Variants in NEK9 observed in about 807,000 individuals in gnomAD.
NEK9 encodes the protein serine/threonine-protein kinase Nek9.
Under a neutral mutation model 123.4 loss-of-function variants are expected in NEK9, and 75 were observed. That is an observed-to-expected ratio of 0.61 (90% CI 0.50 to 0.74). The LOEUF is 0.74. Among genes scored for constraint, NEK9 ranks in the 30% least tolerant of loss-of-function variants. NEK9 has a pLI of 0.00. For synonymous variants in NEK9, 438 were observed against 458.7 expected (o/e 0.95, Z 0.58); for missense variants, 952 against 1,214.4 (o/e 0.78, Z 3.21).
Position 75,081,352 on chromosome 14 carries a change from C to G in NEK9, c.*3212G>C, listed in dbSNP as rs1893864517. On this transcript the variant is annotated 3_prime_UTR_variant, in exon 22 of 22. Transcript: ENST00000238616. This position sits in a 1 kb window ranked among gnomAD's most constrained non-coding sequence, Gnocchi z 4.2. ...CTCTCCACAGCTACACAGGTGGTAA[C>G]AGAGATGTGACATAGTGGAGTTTTT... is the stretch of plus-strand genomic sequence containing the variant. The G allele has an allele frequency of 6.6e-6, 1 of 152,212 alleles. No homozygotes were observed. The highest frequency in any genetic ancestry group is 2.1e-4 in the South Asian group (1 of 4,830). 9.4% of individuals were successfully genotyped at this position (152,212 alleles called of 1,614,324 possible).
At position 75,117,239 on chromosome 14, in the gene NEK9, C is replaced by T. The variant is rs149812936; in HGVS notation, c.718G>A (p.Val240Ile). ...FKSDIWAVGC[V>I]IFELLTLKRT... is the part of the protein sequence containing the mutation. Reference sequence around the variant, plus strand: ...TTTAAGGTAAGCAGTTCAAAAATGACGCAGCCAACTGCCCAGATATCAGAC... The same window carrying T: ...TTTAAGGTAAGCAGTTCAAAAATGATGCAGCCAACTGCCCAGATATCAGAC... The change falls in exon 6 of 22, where the codon GTC becomes ATC. Residue 240 changes from valine (V) to isoleucine (I), a missense_variant. Physicochemically the swap from Val to Ile is conservative, Grantham distance 29. This residue lies in a region of NEK9 where 28 missense variants were observed against 88.3 expected (regional missense o/e 0.32). Coordinates refer to ENST00000238616, the MANE Select transcript of NEK9 (RefSeq NM_033116.6). 4.8e-5 allele frequency: 77 copies of T among 1,613,904 alleles called. No individual in the cohort carries two copies. Among genetic ancestry groups the T allele is most frequent in the Middle Eastern group, 1.7e-4 (1 of 6,058 alleles).
chr14:75,121,808 T>C (rs1343819242), intron 2 of NEK9, among the ~76,000 whole-genome samples: 1 of 152,138 alleles, frequency 6.6e-6, no homozygotes, highest in Non-Finnish European at 1.5e-5. Flanking sequence ...AGGCGGAGGT[T>C]GCAGTGAGCT....
chr14:75,126,910 C>G lies in NEK9; in HGVS notation c.12G>C (p.Leu4=), dbSNP rs1566664091. ...AATCGCAGTGTCGCTCGTACTCGCC[C>G]AGCACCGACATGGCGGCGGCCGCGG... MSV[L]GEYERHCDSI... Residue 4 remains leucine, a synonymous_variant, in exon 1 of 22, where the codon CTG becomes CTC. Coordinates refer to ENST00000238616, the MANE Select transcript of NEK9 (RefSeq NM_033116.6). 3 of 1,481,478 alleles carry G rather than the reference C, an allele frequency of 2.0e-6. No homozygotes were observed. In the South Asian group the frequency reaches 3.8e-5, roughly 19 times the overall value. The allele number at this position is 1,481,478 out of a possible 1,614,324, so 91.8% of individuals were successfully genotyped here. A position where few individuals can be genotyped will look rare whatever the true frequency, so the allele number is the denominator to read the frequency against.
chr14:75,103,213 C>G (rs577094473), intron 14 of NEK9, among the ~76,000 whole-genome samples: 4 of 148,380 alleles, frequency 2.7e-5, no homozygotes, highest in Non-Finnish European at 6.0e-5. Context: ...AAAAAGGAAA[C>G]TAAGACAATA....
In NEK9 at chr14:75,105,959, T is replaced by C; in HGVS notation, c.1566A>G (p.Thr522=). 1.2e-6 allele frequency: 2 copies of C among 1,613,362 alleles called. No homozygotes were observed. Among genetic ancestry groups the C allele is most frequent in the South Asian group, 2.2e-5 (2 of 91,052 alleles). ...LGLDSEEDYY[T]PQKVDVPKAL... ...TTGCTTCTGATTTTACCTTTTGTGG[T>C]GTATAATAATCCTCTTCTGAATCCA... is the stretch of plus-strand genomic sequence containing the variant. The change falls in exon 13 of 22, where the codon ACA becomes ACG. Residue 522 remains threonine (T), a synonymous_variant. Transcript: ENST00000238616.
chr14:75,096,918 A>C (rs965235640), intron 17 of NEK9, 182 bp downstream of exon 17: 3 of 431,636 alleles, frequency 7.0e-6, no homozygotes, highest in Non-Finnish European at 7.9e-6. Flanking sequence ...GCAGATAGCA[A>C]AGCTCCAGGA....
At chr14:75,109,926 T>C (rs527967817) in intron 9 of NEK9, 49 bp from the exon 10 acceptor site, 1 of 1,532,292 alleles carries the variant, frequency 6.5e-7, no homozygotes. Context: ...AAAAACAATA[T>C]CAAAGAAAAA....
At chr14:75,084,950 G>A (rs1893974598) in intron 21 of NEK9, 3 of 356,956 alleles carry the variant, frequency 8.4e-6, no homozygotes, top group Admixed American at 3.8e-5. Context: ...GTTTTAAAAT[G>A]GAAAAAGTCC....
chr14:75,107,795 T>G (rs1295995187), intron 10 of NEK9, among the ~76,000 whole-genome samples: 1 of 152,166 alleles, frequency 6.6e-6, no homozygotes, highest in Non-Finnish European at 1.5e-5. Flanking sequence ...GCAAAGGGAT[T>G]AAACATTTTA....
rs1289666515 is a variant in NEK9, at chr14:75,081,920, C to T, written c.*2644G>A. ...TTTGGGAAAAAAGCTGTAGCAGCAGCAATGATTCTGCTGGCAAGAATAAGA... is the reference window on the plus strand; with the variant it reads ...TTTGGGAAAAAAGCTGTAGCAGCAGTAATGATTCTGCTGGCAAGAATAAGA... On this transcript the variant is annotated 3_prime_UTR_variant, in exon 22 of 22. Coordinates refer to ENST00000238616, the MANE Select transcript of NEK9 (RefSeq NM_033116.6). The surrounding 1 kb of genome is among the most constrained non-coding windows in gnomAD (Gnocchi z 4.2). 1 of 152,098 alleles carries T rather than the reference C, an allele frequency of 6.6e-6. No individual in the cohort carries two copies. The highest frequency in any genetic ancestry group is 2.4e-5 in the African/African-American group (1 of 41,398). 9.4% of individuals were successfully genotyped at this position (152,098 alleles called of 1,614,324 possible). A position where few individuals can be genotyped will look rare whatever the true frequency, so the allele number is the denominator to read the frequency against.
chr14:75,102,647 C>T (rs1216792604), intron 14 of NEK9, among the ~76,000 whole-genome samples: 4 of 152,246 alleles, frequency 2.6e-5, no homozygotes, highest in South Asian at 2.1e-4. Flanking sequence ...CCACCGTGCC[C>T]GGCAACTGAA....
At chr14:75,120,226 C>T (rs758972795) in intron 4 of NEK9, among the ~76,000 whole-genome samples, 3 of 152,064 alleles carry the variant, frequency 2.0e-5, no homozygotes, top group Non-Finnish European at 4.4e-5. Context: ...TCATAGTGCC[C>T]TTCTAGGCTT....
At chr14:75,088,328 G>A (rs1325325570) in intron 20 of NEK9, 152 bp downstream of exon 20, 1 of 680,086 alleles carries the variant, frequency 1.5e-6, no homozygotes, top group Admixed American at 2.8e-5. Context: ...GTTTAGTCTT[G>A]GGTTGAGGCT....
chr14:75,098,494 G>A (rs1231812431), intron 16 of NEK9, among the ~76,000 whole-genome samples: 1 of 152,134 alleles, frequency 6.6e-6, no homozygotes. Context: ...ATATAAAGCA[G>A]TCAATGTATA....
At chr14:75,089,249 GAC>G (rs1894129940) in intron 19 of NEK9, among the ~76,000 whole-genome samples, 1 of 151,836 alleles carries the variant, frequency 6.6e-6, no homozygotes, top group African/African-American at 2.4e-5. Context: ...ATTTTTTTGA[GAC>G]AGAATCTCAC....
At chr14:75,117,391 C>A in intron 5 of NEK9, 65 bp from the exon 6 acceptor site, 3 of 1,507,508 alleles carry the variant, frequency 2.0e-6, no homozygotes, top group Middle Eastern at 1.8e-4. Context: ...AACATTTCAA[C>A]AGCTTAATTA....
chr14:75,103,974 A>T lies in NEK9; in HGVS notation c.1599T>A (p.Ile533=), dbSNP rs775745091. Residue 533 remains isoleucine (I), a synonymous_variant, in exon 14 of 22, where the codon ATT becomes ATA. Transcript: ENST00000238616. ...PQKVDVPKAL[I]IVAVQCGCDG... ...CACAGCCACATTGAACTGCAACAAT[A>T]ATCAAGGCCTTGGGAACATCCACCT... 1 of 1,613,634 alleles carries T rather than the reference A, an allele frequency of 6.2e-7. No individual in the cohort carries two copies. Among genetic ancestry groups the T allele is most frequent in the Admixed American group, 1.7e-5 (1 of 59,866 alleles).
intron 7 of NEK9, 149 bp from the exon 8 acceptor site, chr14:75,113,552 CATT>C: frequency 1.6e-6 from 1 of 610,762 alleles, no homozygotes; most frequent in Non-Finnish European, 2.9e-6. Flanking sequence ...CTTCTCACCT[CATT>C]ATAATCAACA....
At position 75,107,350 on chromosome 14, in the gene NEK9, A is replaced by G; in HGVS notation, c.1320T>C (p.Cys440=). ...QVSCGDDFTV[C]VTDEGQLYAF... is the part of the protein sequence containing the mutation. ...TTTCTGCTGATGGCTTACCAGTCAC[A>G]CAGACAGTGAAATCATCACCACATG... The change falls in exon 11 of 22, where the codon TGT becomes TGC. Residue 440 remains cysteine, a synonymous_variant. Coordinates refer to ENST00000238616, the MANE Select transcript of NEK9 (RefSeq NM_033116.6). The G allele has an allele frequency of 8.7e-6, 14 of 1,613,204 alleles. No homozygotes were observed. The highest frequency in any genetic ancestry group is 1.1e-5 in the Non-Finnish European group (13 of 1,179,690).
Sources: gnomAD v4.1 joint callset for allele counts (sites outside exome capture counted in the v4.1 genomes callset) on GRCh38, gnomAD v4.1.1 for gene constraint, gnomAD v4.1.1 regional missense constraint, Gnocchi (gnomAD v3.1) non-coding constraint, MANE v1.5 for transcripts, NCBI Gene and HGNC (gene_info 2026-07-23, HGNC 2026-07-21) for gene names.